Variants in VEPH1 observed in about 807,000 individuals in gnomAD.
The protein encoded by VEPH1 is ventricular zone expressed PH domain containing 1, also known as ventricular zone-expressed PH domain-containing protein homolog 1.
Under a neutral mutation model 85.2 loss-of-function variants are expected in VEPH1, and 80 were observed. That is an observed-to-expected ratio of 0.94 (90% CI 0.78 to 1.13). The LOEUF is 1.13. Ranked by LOEUF, VEPH1 falls within the 50% of genes most tolerant of loss-of-function variation. The pLI is 0.00. For synonymous variants in VEPH1, 297 were observed against 348.0 expected (o/e 0.85, Z 1.63); for missense variants, 955 against 980.5 (o/e 0.97, Z 0.35).
At chr3:157,437,133 A>G (rs758952974) in intron 4 of VEPH1, 17 of 1,559,718 alleles carry the variant, frequency 1.1e-5, no homozygotes, top group East Asian at 2.2e-5. Flanking sequence ...AATAACACAC[A>G]TATACTTTGT....
chr3:157,313,542 A>G, intron 11 of VEPH1, 79 bp downstream of exon 11: 1 of 1,489,188 alleles, frequency 6.7e-7, no homozygotes, highest in Non-Finnish European at 9.0e-7. Context: ...ATGAAATTTA[A>G]TTGCTAAAAA....
chr3:157,338,275 T>C (rs1723159426), intron 9 of VEPH1, among the ~76,000 whole-genome samples: 1 of 152,238 alleles, frequency 6.6e-6, no homozygotes, highest in African/African-American at 2.4e-5. Flanking sequence ...GCCATTATTA[T>C]AGATTCAAAG....
At chr3:157,326,833 A>G (rs1182900571) in intron 9 of VEPH1, among the ~76,000 whole-genome samples, 1 of 152,196 alleles carries the variant, frequency 6.6e-6, no homozygotes, top group East Asian at 1.9e-4. Context: ...CTCAGCACCA[A>G]CACAGGGTAG....
intron 11 of VEPH1, among the ~76,000 whole-genome samples, chr3:157,302,768 C>T (rs1403952271): frequency 6.6e-6 from 1 of 152,184 alleles, no homozygotes; most frequent in Non-Finnish European, 1.5e-5. Context: ...ATCTAAGCTT[C>T]TTGCCATGGT....
intron 3 of VEPH1, among the ~76,000 whole-genome samples, chr3:157,466,203 CA>C (rs1289958515): frequency 1.3e-5 from 2 of 149,262 alleles, no homozygotes; most frequent in Admixed American, 6.7e-5. Flanking sequence ...TTTCTAGGAG[CA>C]AAAAAAAGTG....
intron 9 of VEPH1, among the ~76,000 whole-genome samples, chr3:157,350,461 A>G (rs1436207406): frequency 6.6e-6 from 1 of 152,222 alleles, no homozygotes; most frequent in East Asian, 1.9e-4. Context: ...TGTCTGGGGA[A>G]AGATGTTATG....
rs768204493 is a variant in VEPH1, at chr3:157,381,263, TGAG to T, written c.1017_1019del (p.Ser340del). On this transcript the variant is annotated inframe_deletion, in exon 7 of 14. Transcript: ENST00000362010. Reference sequence around the variant, plus strand: ...TGTCTCTGCTCTGAGGGCCCAAGATTGAGGAGAAGGTGTCGGTGATGCTTTTAA... The same window carrying T: ...TGTCTCTGCTCTGAGGGCCCAAGATTGAGAAGGTGTCGGTGATGCTTTTAA... 3 of 1,613,940 alleles carry T rather than the reference TGAG, an allele frequency of 1.9e-6. No individual in the cohort carries two copies. The highest frequency in any genetic ancestry group is 2.5e-6 in the Non-Finnish European group (3 of 1,179,988).
chr3:157,338,911 G>A (rs994691340), intron 9 of VEPH1, among the ~76,000 whole-genome samples: 2 of 152,220 alleles, frequency 1.3e-5, no homozygotes, highest in African/African-American at 2.4e-5. Context: ...ACTGCACTGT[G>A]TTGAGCACTT....
intron 9 of VEPH1, among the ~76,000 whole-genome samples, chr3:157,343,457 C>T (rs1285889004): frequency 1.3e-5 from 2 of 152,150 alleles, no homozygotes; most frequent in East Asian, 1.9e-4. Context: ...GACACATACA[C>T]CCTCCCAAGA....
intron 12 of VEPH1, among the ~76,000 whole-genome samples, chr3:157,279,667 T>C (rs894084951): frequency 6.6e-5 from 10 of 152,014 alleles, no homozygotes; most frequent in Middle Eastern, 3.2e-3. Flanking sequence ...AAGGATGAAA[T>C]CCGAGGCAAA....
chr3:157,369,040 T>C (rs1298143782), intron 7 of VEPH1, among the ~76,000 whole-genome samples: 1 of 151,542 alleles, frequency 6.6e-6, no homozygotes, highest in Non-Finnish European at 1.5e-5. Context: ...ACACAGGACC[T>C]GGAATTTTTG....
chr3:157,320,660 C>G (rs1721251037), intron 9 of VEPH1, among the ~76,000 whole-genome samples: 1 of 151,970 alleles, frequency 6.6e-6, no homozygotes, highest in Non-Finnish European at 1.5e-5. Flanking sequence ...AATGTGGCTT[C>G]TTTTTCTAAT....
At chr3:157,407,931 G>A (rs1291682824) in intron 6 of VEPH1, among the ~76,000 whole-genome samples, 1 of 152,148 alleles carries the variant, frequency 6.6e-6, no homozygotes, top group Non-Finnish European at 1.5e-5. Flanking sequence ...GGTGATGTAA[G>A]TTGCCCATAG....
rs1273748828 is a variant in VEPH1, at chr3:157,267,087, CTTTTTCTTT to C, written c.2129-1434_2129-1426del. On this transcript the variant is annotated intron_variant, in intron 12 of 13. Transcript: ENST00000362010. ...GTATAGTTTTCTTTTCTTTTCTTTTCTTTTTCTTTTTTTTCTTTTTTTTTTTTTTTTGAC... is the reference window on the plus strand; with the variant it reads ...GTATAGTTTTCTTTTCTTTTCTTTTCTTTTTCTTTTTTTTTTTTTTTTGAC... 2.0e-3 allele frequency among the ~76,000 whole-genome samples: 272 copies of C among 137,946 alleles called. 2 individuals carry two copies. The highest frequency in any genetic ancestry group is 7.8e-3 in the Admixed American group (98 of 12,504). The allele number at this position is 137,946 out of a possible 152,430, so 90.5% of individuals were successfully genotyped here.
intron 11 of VEPH1, among the ~76,000 whole-genome samples, chr3:157,288,345 G>A (rs1189400112): frequency 3.3e-5 from 5 of 152,154 alleles, no homozygotes; most frequent in Non-Finnish European, 7.3e-5. Context: ...AGGCTGAGGC[G>A]TGTAGGCACT....
intron 4 of VEPH1, among the ~76,000 whole-genome samples, chr3:157,441,244 C>G (rs1433968423): frequency 6.6e-6 from 1 of 152,152 alleles, no homozygotes; most frequent in African/African-American, 2.4e-5. Context: ...TGCAAAAATT[C>G]AAACTCTAGT....
chr3:157,432,836 A>G (rs1291783391), intron 4 of VEPH1, among the ~76,000 whole-genome samples: 2 of 152,272 alleles, frequency 1.3e-5, no homozygotes, highest in East Asian at 1.9e-4. Context: ...CTAATTTGGC[A>G]TAACTGACAT....
chr3:157,490,706 G>C (rs889078716), intron 2 of VEPH1, among the ~76,000 whole-genome samples: 2 of 152,174 alleles, frequency 1.3e-5, no homozygotes, highest in African/African-American at 4.8e-5. Flanking sequence ...AAAGCAATTT[G>C]TTGGTATATC....
In VEPH1 at chr3:157,418,256, C is replaced by T. The variant is rs141350113; in HGVS notation, c.697-4166G>A. Among the ~76,000 whole-genome samples the T allele has an allele frequency of 1.2e-3, 188 of 152,240 alleles. 1 individual carries two copies. The highest frequency in any genetic ancestry group is 4.4e-3 in the African/African-American group (183 of 41,536). On this transcript the variant is annotated intron_variant, in intron 5 of 13. Coordinates refer to ENST00000362010, the MANE Select transcript of VEPH1 (RefSeq NM_001167912.2). ...AAGTAGCCCAGGGTAGGGCAGCAAC[C>T]CTGAATTCCCTGGTTTTTCCTGAAT...
Sources: allele counts gnomAD v4.1 joint callset (sites outside exome capture counted in the v4.1 genomes callset), GRCh38; gene constraint gnomAD v4.1.1; transcripts MANE v1.5; gene names NCBI Gene and HGNC (gene_info 2026-07-23, HGNC 2026-07-21).